The following C12orf50 variants were observed in gnomAD, a reference collection of about 807,000 sequenced individuals.
The protein encoded by C12orf50 is zinc finger CCCH-type containing 11D.
Under a neutral mutation model 61.6 loss-of-function variants are expected in C12orf50, and 35 were observed. That is an observed-to-expected ratio of 0.57 (90% CI 0.43 to 0.75). C12orf50 has a LOEUF of 0.75. Ranked by LOEUF, C12orf50 falls within the 30% of genes least tolerant of loss-of-function variation. The pLI is 0.00. For missense variants in C12orf50, 475 were observed against 488.5 expected, an observed-to-expected ratio of 0.97 and a Z score of 0.26; for synonymous variants, 178 against 161.5, an observed-to-expected ratio of 1.10 and a Z score of -0.77.
chr12:87,994,200 CATAAATAA>C (rs35524012), intron 7 of C12orf50, among the ~76,000 whole-genome samples: 14 of 151,242 alleles, frequency 9.3e-5, no homozygotes, highest in Admixed American at 6.6e-4. Context: ...ACTTCCATCT[CATAAATAA>C]ATAAATAAAT....
intron 3 of C12orf50, among the ~76,000 whole-genome samples, chr12:88,005,133 A>G (rs2031807938): frequency 6.6e-6 from 1 of 152,064 alleles, no homozygotes; most frequent in Admixed American, 6.5e-5. Context: ...GTGGATTATA[A>G]TTTTCTGTTT....
intron 3 of C12orf50, among the ~76,000 whole-genome samples, chr12:88,021,536 G>A (rs746632210): frequency 6.6e-6 from 1 of 152,080 alleles, no homozygotes; most frequent in Non-Finnish European, 1.5e-5. Flanking sequence ...TACTTGGGAG[G>A]CTGAAGGAGG....
At chr12:87,986,084 T>C (rs1565739399) in intron 10 of C12orf50, 31 bp from the exon 11 acceptor site, 3 of 1,597,680 alleles carry the variant, frequency 1.9e-6, no homozygotes, top group Non-Finnish European at 1.7e-6. Context: ...GAGTGAGGAA[T>C]AAAACAGGCT....
intron 3 of C12orf50, among the ~76,000 whole-genome samples, chr12:88,009,179 G>T (rs1415020314): frequency 1.2e-4 from 18 of 152,068 alleles, no homozygotes; most frequent in Admixed American, 1.2e-3. Flanking sequence ...AAGTGGAATT[G>T]CTTGGTCCTA....
chr12:87,999,455 T>C (rs887994888), intron 3 of C12orf50, among the ~76,000 whole-genome samples: 3 of 151,926 alleles, frequency 2.0e-5, no homozygotes, highest in African/African-American at 7.2e-5. Flanking sequence ...CAAAACCAAA[T>C]GAGATATCAC....
chr12:87,994,796 A>T lies in C12orf50; in HGVS notation c.482-53T>A, dbSNP rs967130097. 12 of 1,164,942 alleles carry T rather than the reference A, an allele frequency of 1.0e-5. No homozygotes were observed. The East Asian group carries it at 1.6e-4, about 16-fold the overall frequency. 72.2% of individuals were successfully genotyped at this position (1,164,942 alleles called of 1,614,324 possible). On this transcript the variant is annotated intron_variant, in intron 6 of 12. Transcript: ENST00000298699. ...CCCAGAAATTATTAGATGCTTAAAT[A>T]AGAAATTTATGATAGAATGCATGAT...
chr12:87,993,395 T>C (rs2031224585), intron 7 of C12orf50, among the ~76,000 whole-genome samples: 1 of 152,186 alleles, frequency 6.6e-6, no homozygotes, highest in African/African-American at 2.4e-5. Context: ...AAATAGACAG[T>C]GGGAACTCCG....
At chr12:88,022,839 C>T (rs2032565827) in intron 3 of C12orf50, among the ~76,000 whole-genome samples, 1 of 151,972 alleles carries the variant, frequency 6.6e-6, no homozygotes, top group Non-Finnish European at 1.5e-5. Context: ...CAAAACACTG[C>T]CCAAAGAAAG....
rs1413330934 is a variant in C12orf50, at chr12:88,026,260, T to C, written c.133+228A>G. ...TCATATGAATAAAATCCATTTTAGATACACATAGAGAAAGTTTAACTTGCT... is the reference window on the plus strand; with the variant it reads ...TCATATGAATAAAATCCATTTTAGACACACATAGAGAAAGTTTAACTTGCT... On this transcript the variant is annotated intron_variant, in intron 3 of 12. Transcript: ENST00000298699. 1.2e-4 allele frequency among the ~76,000 whole-genome samples: 19 copies of C among 152,220 alleles called. 1 individual carries two copies. The highest frequency in any genetic ancestry group is 1.2e-3 in the Admixed American group (19 of 15,288).
At chr12:88,029,724 A>C (rs926940470), upstream of C12orf50, among the ~76,000 whole-genome samples, 1 of 152,186 alleles carries the variant, frequency 6.6e-6, no homozygotes, top group Non-Finnish European at 1.5e-5. Context: ...AAAATTTGCC[A>C]TAGGTAAATG....
At chr12:87,997,226 G>A (rs995836282) in intron 4 of C12orf50, among the ~76,000 whole-genome samples, 1 of 152,038 alleles carries the variant, frequency 6.6e-6, no homozygotes, top group Non-Finnish European at 1.5e-5. Context: ...GTGATTTATA[G>A]ATTATTAACT....
chr12:88,010,119 A>G (rs1468020036), intron 3 of C12orf50, among the ~76,000 whole-genome samples: 1 of 152,160 alleles, frequency 6.6e-6, no homozygotes, highest in East Asian at 1.9e-4. Context: ...TCACCTAACA[A>G]ATCAAGTGTC....
At chr12:87,981,716 C>G (rs186802095) in intron 12 of C12orf50, among the ~76,000 whole-genome samples, 1 of 152,172 alleles carries the variant, frequency 6.6e-6, no homozygotes, top group East Asian at 1.9e-4. Flanking sequence ...CACTGTTCCT[C>G]TCTCCCATGA....
chr12:88,024,611 T>C (rs2032635390), intron 3 of C12orf50, among the ~76,000 whole-genome samples: 1 of 152,128 alleles, frequency 6.6e-6, no homozygotes, highest in Non-Finnish European at 1.5e-5. Flanking sequence ...TACTGTGGCC[T>C]ATTTGAGGGT....
intron 3 of C12orf50, among the ~76,000 whole-genome samples, chr12:88,000,963 A>G (rs1465512582): frequency 1.3e-5 from 2 of 151,832 alleles, no homozygotes; most frequent in Non-Finnish European, 3.0e-5. Context: ...CCATATGCAA[A>G]TAGAGATAAT....
At chr12:87,991,902 ATGTT>A (rs1279351567) in intron 7 of C12orf50, among the ~76,000 whole-genome samples, 3 of 152,152 alleles carry the variant, frequency 2.0e-5, no homozygotes, top group Non-Finnish European at 4.4e-5. Context: ...CATTGTTTTT[ATGTT>A]TGTTTGTTGT....
intron 3 of C12orf50, among the ~76,000 whole-genome samples, chr12:88,011,974 C>T (rs1433669536): frequency 7.2e-4 from 109 of 152,238 alleles, no homozygotes; most frequent in East Asian, 3.9e-4. Context: ...AGAATACTGA[C>T]GTCACATTTA....
At chr12:88,001,715 A>G (rs2031662613) in intron 3 of C12orf50, among the ~76,000 whole-genome samples, 1 of 151,278 alleles carries the variant, frequency 6.6e-6, no homozygotes, top group African/African-American at 2.4e-5. Context: ...AGAGTCAGTG[A>G]TGGTAGTTTG....
chr12:87,983,404 T>C (rs1471300764), intron 11 of C12orf50: 2 of 310,462 alleles, frequency 6.4e-6, no homozygotes, highest in Non-Finnish European at 1.2e-5. Flanking sequence ...TTTTTATTAT[T>C]ATTATACTTT....
Sources: allele counts gnomAD v4.1 joint callset (sites outside exome capture counted in the v4.1 genomes callset), GRCh38; gene constraint gnomAD v4.1.1; transcripts MANE v1.5; gene names NCBI Gene and HGNC (gene_info 2026-07-23, HGNC 2026-07-21).